The following USP44 variants were observed in gnomAD, a reference collection of about 807,000 sequenced individuals.
USP44 encodes ubiquitin specific peptidase 44.
Under a neutral mutation model 69.0 loss-of-function variants are expected in USP44, and 61 were observed. The observed-to-expected ratio is 0.88, with a 90% CI of 0.72 to 1.09. USP44 has a LOEUF of 1.09. Among genes scored for constraint, USP44 ranks in the 50% least tolerant of loss-of-function variants. The pLI, the probability that USP44 is intolerant of heterozygous loss-of-function variation, is 0.00. For synonymous variants in USP44, 297 were observed against 295.4 expected (o/e 1.01, Z -0.06); for missense variants, 753 against 849.9 (o/e 0.89, Z 1.42).
chr12:95,543,827 C>T (rs1457009001), intron 1 of USP44, among the ~76,000 whole-genome samples: 1 of 150,888 alleles, frequency 6.6e-6, no homozygotes, highest in African/African-American at 2.4e-5. Context: ...ATTAGCCAGG[C>T]GTAGTGGCGG....
intron 1 of USP44, among the ~76,000 whole-genome samples, chr12:95,539,985 C>A (rs1010966585): frequency 6.6e-6 from 1 of 152,198 alleles, no homozygotes; most frequent in African/African-American, 2.4e-5. Context: ...AAATTAATTT[C>A]TATTAACTCA....
chr12:95,518,099 G>GTCT lies in USP44; in HGVS notation c.*52_*54dup. Reference sequence around the variant, plus strand: ...AAATGAAGTTTAAAATGGTACATCAGTCTTTTAAAAAGTATATATATAAAT... The same window carrying GTCT: ...AAATGAAGTTTAAAATGGTACATCAGTCTTCTTTTAAAAAGTATATATATAAAT... On this transcript the variant is annotated 3_prime_UTR_variant, in exon 6 of 6. Transcript: ENST00000258499. 3 of 1,568,434 alleles carry GTCT rather than the reference G, an allele frequency of 1.9e-6. No homozygotes were observed. The highest frequency in any genetic ancestry group is 2.6e-6 in the Non-Finnish European group (3 of 1,147,218).
intron 1 of USP44, among the ~76,000 whole-genome samples, chr12:95,540,940 GA>G: frequency 6.6e-6 from 1 of 151,912 alleles, no homozygotes; most frequent in East Asian, 1.9e-4. Context: ...ATTGGGAGAG[GA>G]AAAAAAATTC....
intron 1 of USP44, among the ~76,000 whole-genome samples, chr12:95,536,796 T>C (rs1480470087): frequency 6.6e-6 from 1 of 152,142 alleles, no homozygotes; most frequent in Non-Finnish European, 1.5e-5. Context: ...ACAACCACTT[T>C]AGGGGATCCT....
intron 3 of USP44, among the ~76,000 whole-genome samples, chr12:95,527,736 C>T (rs775397238): frequency 7.9e-5 from 12 of 152,020 alleles, no homozygotes; most frequent in Admixed American, 5.2e-4. Flanking sequence ...CCACCTGCCT[C>T]GGCCTCCCAA....
chr12:95,528,396 T>A (rs2076918962), intron 3 of USP44, among the ~76,000 whole-genome samples: 1 of 152,222 alleles, frequency 6.6e-6, no homozygotes, highest in Non-Finnish European at 1.5e-5. Flanking sequence ...ATATATTATT[T>A]CCTATTTTAT....
Position 95,533,262 on chromosome 12 carries a change from T to C in USP44, c.995A>G (p.Tyr332Cys). ...TTTTTCCTGACATTCATTCATTTGA[T>C]ATACTACTGTATCTGTGACTGGTGG... Reference protein sequence around the residue: ...KHPPVTDTVVYQMNECQEKDT... With the variant: ...KHPPVTDTVVCQMNECQEKDT... The change falls in exon 2 of 6, where the codon TAT becomes TGT. Residue 332 changes from tyrosine to cysteine, a missense_variant. Physicochemically the swap from Tyr to Cys is radical, Grantham distance 194. Coordinates refer to ENST00000258499, the MANE Select transcript of USP44 (RefSeq NM_032147.5). 6.2e-7 allele frequency: 1 copy of C among 1,614,184 alleles called. No homozygotes were observed. The highest frequency in any genetic ancestry group is 8.5e-7 in the Non-Finnish European group (1 of 1,180,048).
chr12:95,544,526 T>A (rs1368633767), intron 1 of USP44, among the ~76,000 whole-genome samples: 1 of 152,150 alleles, frequency 6.6e-6, no homozygotes, highest in Non-Finnish European at 1.5e-5. Context: ...AATAATGTAA[T>A]ATAGATCTAA....
intron 4 of USP44, chr12:95,524,423 G>A (rs1395064627): frequency 4.5e-6 from 1 of 222,320 alleles, no homozygotes; most frequent in Non-Finnish European, 8.7e-6. Flanking sequence ...CTTGAGCCCA[G>A]GAGTTTGAGA....
At chr12:95,532,149 TTTTC>T (rs1428048194) in intron 2 of USP44, among the ~76,000 whole-genome samples, 2 of 150,316 alleles carry the variant, frequency 1.3e-5, no homozygotes, top group East Asian at 2.0e-4. Flanking sequence ...GTGTGCACCA[TTTTC>T]TTTCTTTCTT....
At chr12:95,543,678 C>CATACCA (rs891827239) in intron 1 of USP44, among the ~76,000 whole-genome samples, 3 of 151,094 alleles carry the variant, frequency 2.0e-5, no homozygotes, top group Non-Finnish European at 4.4e-5. Context: ...CAAAAACTAA[C>CATACCA]ATACCAGGCC....
Position 95,528,659 on chromosome 12 carries a change from A to C in USP44, c.1624+148T>G, listed in dbSNP as rs2076926692. The C allele has an allele frequency of 5.3e-6, 4 of 759,758 alleles. No homozygotes were observed. In the South Asian group the frequency reaches 9.5e-5, roughly 18 times the overall value. The allele number at this position is 759,758 out of a possible 1,614,324, so 47.1% of individuals were successfully genotyped here. A position where few individuals can be genotyped will look rare whatever the true frequency, so the allele number is the denominator to read the frequency against. ...AACAAATGCATAGTTCATAAATGCC[A>C]ATTATAAAGTGAAAACGTCTGTTTC... On this transcript the variant is annotated intron_variant, in intron 3 of 5. Coordinates refer to ENST00000258499, the MANE Select transcript of USP44 (RefSeq NM_032147.5).
At position 95,528,883 on chromosome 12, in the gene USP44, C is replaced by A; in HGVS notation, c.1548G>T (p.Leu516=). Residue 516 remains leucine (L), a synonymous_variant, in exon 3 of 6, where the codon CTG becomes CTT. Transcript: ENST00000258499. ...TAAATTTGGCCAACATTTCAGTAAC[C>A]AGACATGGCTGGGAAGCAATATCTT... ...SGKDIASQPC[L]VTEMLAKFTE... The A allele has an allele frequency of 6.2e-7, 1 of 1,614,042 alleles. No homozygotes were observed. Among genetic ancestry groups the A allele is most frequent in the South Asian group, 1.1e-5 (1 of 91,080 alleles).
chr12:95,520,728 GAA>G (rs1282232203), intron 5 of USP44, among the ~76,000 whole-genome samples: 1 of 152,142 alleles, frequency 6.6e-6, no homozygotes, highest in Non-Finnish European at 1.5e-5. Context: ...GTGTCTTTAA[GAA>G]AAGTTAACAC....
At position 95,524,660 on chromosome 12, in the gene USP44, C is replaced by T; in HGVS notation, c.1733+20G>A. 3 of 1,553,952 alleles carry T rather than the reference C, an allele frequency of 1.9e-6. No individual in the cohort carries two copies. Among genetic ancestry groups the T allele is most frequent in the Non-Finnish European group, 2.6e-6 (3 of 1,147,034 alleles). ...ATAAGCACAAGGAATGATAACTTTG[C>T]AACTGGTCCTACTACAGACCTGAAT... On this transcript the variant is annotated intron_variant, in intron 4 of 5. Coordinates refer to ENST00000258499, the MANE Select transcript of USP44 (RefSeq NM_032147.5).
rs548596627 is a variant in USP44 at position 95,547,145 on chromosome 12, T to C, written c.-71+4127A>G. Among the ~76,000 whole-genome samples the C allele has an allele frequency of 2.6e-4, 40 of 152,310 alleles. 1 individual carries two copies. In the South Asian group the frequency reaches 3.3e-3, roughly 13 times the overall value. On this transcript the variant is annotated intron_variant, in intron 1 of 5. Transcript: ENST00000258499. ...ATTTATCACTTAAAAATTTTTAAGC[T>C]AAAAAATCTCAAACAATTAACATTT... is the stretch of plus-strand genomic sequence containing the variant.
At chr12:95,523,594 T>TA (rs749454191) in intron 4 of USP44, among the ~76,000 whole-genome samples, 8 of 150,426 alleles carry the variant, frequency 5.3e-5, no homozygotes, top group Non-Finnish European at 1.0e-4. Context: ...CTCACGCCTG[T>TA]AATCCTAGCA....
At chr12:95,544,171 C>T (rs1269593709) in intron 1 of USP44, among the ~76,000 whole-genome samples, 2 of 148,136 alleles carry the variant, frequency 1.4e-5, no homozygotes, top group Admixed American at 1.3e-4. Context: ...TCTCCTGCCT[C>T]AGCCTCCCAA....
Position 95,521,020 on chromosome 12 carries a change from G to T in USP44, c.1916C>A (p.Ala639Asp). Residue 639 changes from alanine (A) to aspartate (D), a missense_variant, in exon 5 of 6, where the codon GCC becomes GAC. Physicochemically the swap from Ala to Asp is moderately radical, Grantham distance 126. Coordinates refer to ENST00000258499, the MANE Select transcript of USP44 (RefSeq NM_032147.5). ...ACCTCCTTCAGAATTATAGCAGTAGGCAGTGTAGTGCCCTGAGCCAAATCC... is the reference window on the plus strand; with the variant it reads ...ACCTCCTTCAGAATTATAGCAGTAGTCAGTGTAGTGCCCTGAGCCAAATCC... ...GKGFGSGHYT[A>D]YCYNSEGGFW... 1 of 1,614,120 alleles carries T rather than the reference G, an allele frequency of 6.2e-7. No homozygotes were observed.
Sources: gnomAD v4.1 joint callset for allele counts (sites outside exome capture counted in the v4.1 genomes callset) on GRCh38, gnomAD v4.1.1 for gene constraint, MANE v1.5 for transcripts, NCBI Gene and HGNC (gene_info 2026-07-23, HGNC 2026-07-21) for gene names.